The following TRPV6 variants were observed in gnomAD, a reference collection of about 807,000 sequenced individuals.
TRPV6 encodes transient receptor potential cation channel subfamily V member 6, also known as Alu-binding protein with zinc finger domain.
In TRPV6, 39 loss-of-function variants were observed where a neutral mutation model predicts 79.0. The ratio of observed to expected loss-of-function variants is 0.49; its 90% CI spans 0.38 to 0.64. The LOEUF (loss-of-function observed/expected upper bound fraction) is 0.64, where lower values mean the gene tolerates loss of function less well. TRPV6 is among the 30% of genes least tolerant of loss of function. The pLI, the probability that TRPV6 is intolerant of heterozygous loss-of-function variation, is 0.00. For synonymous variants in TRPV6, 373 were observed against 391.9 expected (o/e 0.95, Z 0.57); for missense variants, 813 against 1,011.1 (o/e 0.80, Z 2.66).
chr7:142,879,011 A>C (rs191115839), intron 1 of TRPV6: 1 of 152,310 alleles, frequency 6.6e-6, no homozygotes. Flanking sequence ...GCTCACATTA[A>C]AGTTTGCGAA....
chr7:142,877,486 T>A (rs4987654), intron 3 of TRPV6, 165 bp downstream of exon 3: 1,284,651 of 1,448,872 alleles, frequency 0.89, 577,742 homozygotes, highest in East Asian at 0.98. Flanking sequence ...GCAGGCGTTC[T>A]AGTGATGGGC....
Position 142,875,347 on chromosome 7 carries a change from G to C in TRPV6, c.1242+121C>G, listed in dbSNP as rs4987666. 119 of 1,283,570 alleles carry C rather than the reference G, an allele frequency of 9.3e-5. No homozygotes were observed. In the African/African-American group the frequency reaches 1.5e-3, roughly 16 times the overall value. 79.5% of individuals were successfully genotyped at this position (1,283,570 alleles called of 1,614,324 possible). ...TTTTGTGGGCGTGCATTTGGAGTTT[G>C]TACCCATATATTTGAGATTAGAGCA... On this transcript the variant is annotated intron_variant, in intron 8 of 14. Transcript: ENST00000359396.
Position 142,871,873 on chromosome 7 carries a change from C to T in TRPV6, c.2132G>A (p.Cys711Tyr), listed in dbSNP as rs1794940959. 2 of 1,614,224 alleles carry T rather than the reference C, an allele frequency of 1.2e-6. No individual in the cohort carries two copies. Among genetic ancestry groups the T allele is most frequent in the African/African-American group, 1.3e-5 (1 of 75,046 alleles). ...AAGGGACAGGTGGGGGCTGAAGGGA[C>T]AGCCCAGCTCTAGTTTTTCCACTGA... is the stretch of plus-strand genomic sequence containing the variant. Residue 711 changes from cysteine (C) to tyrosine (Y), a missense_variant, in exon 15 of 15, where the codon TGT becomes TAT. Physicochemically the swap from Cys to Tyr is radical, Grantham distance 194 (BLOSUM62 -2). Coordinates refer to ENST00000359396, the MANE Select transcript of TRPV6 (RefSeq NM_018646.6).
rs771513845 is a variant in TRPV6 at position 142,871,943 on chromosome 7, C to T, written c.2062G>A (p.Ala688Thr). 9.3e-6 allele frequency: 15 copies of T among 1,612,056 alleles called. No individual in the cohort carries two copies. The highest frequency in any genetic ancestry group is 2.2e-5 in the East Asian group (1 of 44,874). The stretch of plus-strand genomic sequence containing the variant: ...GAGCCCCGGGTGTGGAAGGCCTGTG[C>T]GTAGCGTTGGATCCGCTGCCGGTTG... Residue 688 changes from alanine (A) to threonine (T), a missense_variant, in exon 15 of 15, where the codon GCA (alanine) becomes ACA (threonine). Physicochemically the swap from Ala to Thr is moderately conservative, Grantham distance 58. This residue lies in a region of TRPV6 where 164 missense variants were observed against 186.1 expected (regional missense o/e 0.88). Transcript: ENST00000359396.
At position 142,876,768 on chromosome 7, in the gene TRPV6, C is replaced by T; in HGVS notation, c.677G>A (p.Gly226Glu). The T allele has an allele frequency of 1.2e-6, 2 of 1,614,160 alleles. No homozygotes were observed. Among genetic ancestry groups the T allele is most frequent in the Non-Finnish European group, 1.7e-6 (2 of 1,180,032 alleles). The change falls in exon 5 of 15, where the codon GGA becomes GAA. Residue 226 changes from glycine (G) to glutamate (E), a missense_variant. This residue lies in a region of TRPV6 where 555 missense variants were observed against 631.0 expected (regional missense o/e 0.88). Coordinates refer to ENST00000359396, the MANE Select transcript of TRPV6 (RefSeq NM_018646.6). Reference sequence around the variant, plus strand: ...GGAGTCCTGGGCCCGGATGTCAGCTCCATGCTCAATGAGCAGCCGCACGAT... The same window carrying T: ...GGAGTCCTGGGCCCGGATGTCAGCTTCATGCTCAATGAGCAGCCGCACGAT...
chr7:142,885,554 G>A lies in TRPV6; in HGVS notation c.83C>T (p.Pro28Leu), dbSNP rs1291860561. The stretch of plus-strand genomic sequence containing the variant: ...CGGCTCCTTGGGGGCCTGAGGCCGA[G>A]GCCAGACCCTGACGGGACTCAGCCT... Residue 28 changes from proline (P) to leucine (L), a missense_variant, in exon 1 of 15, where the codon CCT becomes CTT. Pro to Leu is a moderately conservative substitution (Grantham distance 98, BLOSUM62 -3). This residue lies in a region of TRPV6 where 555 missense variants were observed against 631.0 expected (regional missense o/e 0.88). Transcript: ENST00000359396. 6.4e-6 allele frequency: 10 copies of A among 1,571,376 alleles called. No individual in the cohort carries two copies. In the African/African-American group the frequency reaches 1.1e-4, roughly 17 times the overall value.
intron 1 of TRPV6, chr7:142,883,146 G>A (rs1795227310): frequency 6.6e-6 from 1 of 152,186 alleles, no homozygotes; most frequent in Non-Finnish European, 1.5e-5. Flanking sequence ...AGTGCCTTAT[G>A]TTCAATAAAT....
In TRPV6 at chr7:142,873,360, G is replaced by T; in HGVS notation, c.1908+88C>A. 3 of 1,545,776 alleles carry T rather than the reference G, an allele frequency of 1.9e-6. No individual in the cohort carries two copies. The highest frequency in any genetic ancestry group is 1.2e-5 in the South Asian group (1 of 84,346). ...CCACAACTGTCCAAACATAAGTGGG[G>T]TGGAGATATCCTGTCTCTCAGCTTG... On this transcript the variant is annotated intron_variant, in intron 13 of 14. Transcript: ENST00000359396. The surrounding 1 kb of genome is among the most constrained non-coding windows in gnomAD (Gnocchi z 4.8).
intron 8 of TRPV6, 92 bp downstream of exon 8, chr7:142,875,376 G>A (rs1327763717): frequency 5.0e-6 from 7 of 1,390,632 alleles, no homozygotes; most frequent in Non-Finnish European, 6.8e-6. Flanking sequence ...TAGAGCAAGG[G>A]GAGAAATGGT....
intron 1 of TRPV6, chr7:142,881,322 C>A (rs780370085): frequency 1.1e-4 from 17 of 152,266 alleles, no homozygotes; most frequent in Admixed American, 2.6e-4. Context: ...TGACAGCCCT[C>A]ACTGCAAAGA....
In TRPV6 at chr7:142,875,699, A is replaced by G. The variant is rs201696777; in HGVS notation, c.1030-19T>C. ...GGCGAGCCTGCAACAGAAAGAGAAC[A>G]GGTGGCTCAGAGACCCTGACACCCC... On this transcript the variant is annotated intron_variant, in intron 7 of 14. Coordinates refer to ENST00000359396, the MANE Select transcript of TRPV6 (RefSeq NM_018646.6). 2.1e-4 allele frequency: 337 copies of G among 1,606,338 alleles called. 1 individual carries two copies. The Admixed American group carries it at 4.3e-3, about 21-fold the overall frequency.
Position 142,873,321 on chromosome 7 carries a change from T to C in TRPV6, c.1908+127A>G. The C allele has an allele frequency of 1.5e-6, 2 of 1,352,428 alleles. No homozygotes were observed. Among genetic ancestry groups the C allele is most frequent in the Non-Finnish European group, 2.0e-6 (2 of 982,046 alleles). The allele number at this position is 1,352,428 out of a possible 1,614,324, so 83.8% of individuals were successfully genotyped here. A position where few individuals can be genotyped will look rare whatever the true frequency, so the allele number is the denominator to read the frequency against. On this transcript the variant is annotated intron_variant, in intron 13 of 14. Transcript: ENST00000359396. The surrounding 1 kb of genome is among the most constrained non-coding windows in gnomAD (Gnocchi z 4.8). ...CAGTGCTTCTGTACATTTTGCATGATTTTGCTAGCTTTGCCACAACTGTCC... is the reference window on the plus strand; with the variant it reads ...CAGTGCTTCTGTACATTTTGCATGACTTTGCTAGCTTTGCCACAACTGTCC...
chr7:142,880,989 C>G (rs190260786), intron 1 of TRPV6: 1 of 152,340 alleles, frequency 6.6e-6, no homozygotes, highest in Non-Finnish European at 1.5e-5. Flanking sequence ...TAGCCTCCTC[C>G]GACTGTGAAC....
chr7:142,881,963 C>T (rs972191293), intron 1 of TRPV6: 5 of 152,220 alleles, frequency 3.3e-5, no homozygotes, highest in African/African-American at 1.2e-4. Flanking sequence ...TAGAAAGCCC[C>T]TCAGAAACTG....
In TRPV6 at chr7:142,873,663, C is replaced by T. The variant is rs754312313; in HGVS notation, c.1693G>A (p.Asp565Asn). 8.5e-5 allele frequency: 137 copies of T among 1,614,040 alleles called. No individual in the cohort carries two copies. The highest frequency in any genetic ancestry group is 1.1e-4 in the Non-Finnish European group (131 of 1,180,038). ...GTGCTGAACAGGGCCATGGGGTAGT[C>T]GTAGAAGTGGCCTAGCTCCTCGGGG... The change falls in exon 13 of 15, where the codon GAC becomes AAC. Residue 565 changes from aspartate to asparagine, a missense_variant. Coordinates refer to ENST00000359396, the MANE Select transcript of TRPV6 (RefSeq NM_018646.6). This position sits in a 1 kb window ranked among gnomAD's most constrained non-coding sequence, Gnocchi z 4.8.
Position 142,873,961 on chromosome 7 carries a change from A to G in TRPV6, c.1639+115T>C, listed in dbSNP as rs1794998745. The G allele has an allele frequency of 4.0e-6, 5 of 1,254,610 alleles. No homozygotes were observed. In the Admixed American group the frequency reaches 1.0e-4, roughly 25 times the overall value. 77.7% of individuals were successfully genotyped at this position (1,254,610 alleles called of 1,614,324 possible). A position where few individuals can be genotyped will look rare whatever the true frequency, so the allele number is the denominator to read the frequency against. On this transcript the variant is annotated intron_variant, in intron 12 of 14. Coordinates refer to ENST00000359396, the MANE Select transcript of TRPV6 (RefSeq NM_018646.6). This position sits in a 1 kb window ranked among gnomAD's most constrained non-coding sequence, Gnocchi z 4.8. ...AGGACGTCCCATCCTCTGATACCAT[A>G]GGTCTCCTCTGATCTCTGCATTACT... is the stretch of plus-strand genomic sequence containing the variant.
intron 1 of TRPV6, 53 bp downstream of exon 1, chr7:142,885,336 T>A: frequency 6.5e-7 from 1 of 1,543,794 alleles, no homozygotes; most frequent in Non-Finnish European, 8.8e-7. Context: ...GGGTGAGGGG[T>A]AGAGGTGCAG....
Position 142,875,383 on chromosome 7 carries a change from T to C in TRPV6, c.1242+85A>G, listed in dbSNP as rs555787974. Reference sequence around the variant, plus strand: ...TTTGAGATTAGAGCAAGGGGAGAAATGGTGTGAGGGAGGAAAGGGACACCA... The same window carrying C: ...TTTGAGATTAGAGCAAGGGGAGAAACGGTGTGAGGGAGGAAAGGGACACCA... On this transcript the variant is annotated intron_variant, in intron 8 of 14. Transcript: ENST00000359396. 5.4e-5 allele frequency: 76 copies of C among 1,416,134 alleles called. 1 individual carries two copies. The East Asian group carries it at 1.4e-3, about 26-fold the overall frequency. 87.7% of individuals were successfully genotyped at this position (1,416,134 alleles called of 1,614,324 possible).
At chr7:142,878,127 C>A in intron 1 of TRPV6, 101 bp from the exon 2 acceptor site, 1 of 949,008 alleles carries the variant, frequency 1.1e-6, no homozygotes, top group Non-Finnish European at 1.7e-6. Flanking sequence ...GATGTGTGTG[C>A]CTCAGCAGCA....
Sources: allele counts gnomAD v4.1 joint callset, GRCh38; gene constraint gnomAD v4.1.1; regional missense constraint gnomAD v4.1.1; non-coding constraint Gnocchi (gnomAD v3.1); transcripts MANE v1.5; gene names NCBI Gene and HGNC (gene_info 2026-07-23, HGNC 2026-07-21).